RMND1: variants seen among roughly 807,000 people sequenced by gnomAD.
RMND1 encodes the protein required for meiotic nuclear division protein 1 homolog.
Under a neutral mutation model 54.0 loss-of-function variants are expected in RMND1, and 41 were observed. The ratio of observed to expected loss-of-function variants is 0.76; its 90% CI spans 0.59 to 0.98. The LOEUF is 0.98. RMND1 is among the 50% of genes least tolerant of loss of function. RMND1 has a pLI of 0.00. For missense variants in RMND1, 457 were observed against 532.0 expected (o/e 0.86, Z 1.39); for synonymous variants, 183 against 181.7 (o/e 1.01, Z -0.06).
In RMND1 at chr6:151,407,695, CAGG is replaced by C. The variant is rs539048219; in HGVS notation, c.1201-1862_1201-1860del. Among the ~76,000 whole-genome samples, 112 of 152,188 alleles carry C rather than the reference CAGG, an allele frequency of 7.4e-4. No individual in the cohort carries two copies. In the Middle Eastern group the frequency reaches 0.02, roughly 28 times the overall value. On this transcript the variant is annotated intron_variant, in intron 10 of 11. Coordinates refer to ENST00000444024, the MANE Select transcript of RMND1 (RefSeq NM_017909.4). ...GGCTGGGGCAGGAGGATCACGAGGT[CAGG>C]AGATCAAGACCATCCTGGCTAACAG...
At chr6:151,431,283 AG>A (rs761576522) in intron 4 of RMND1, among the ~76,000 whole-genome samples, 2 of 152,190 alleles carry the variant, frequency 1.3e-5, no homozygotes, top group South Asian at 2.1e-4. Flanking sequence ...AGAGGCAAGC[AG>A]GGGACAATCC....
intron 2 of RMND1, 194 bp downstream of exon 2, chr6:151,445,109 TTTTTA>T (rs748326096): frequency 3.7e-4 from 198 of 533,262 alleles, no homozygotes; most frequent in African/African-American, 3.5e-3. Flanking sequence ...CTGTATTTTG[TTTTTA>T]TATGTATCAT....
Position 151,417,296 on chromosome 6 carries a change from T to C in RMND1, c.1183A>G (p.Ile395Val). The C allele has an allele frequency of 6.2e-7, 1 of 1,612,308 alleles. No homozygotes were observed. Among genetic ancestry groups the C allele is most frequent in the South Asian group, 1.1e-5 (1 of 90,412 alleles). Residue 395 changes from isoleucine (I) to valine (V), a missense_variant, in exon 10 of 12, where the codon ATT becomes GTT. Physicochemically the swap from Ile to Val is conservative, Grantham distance 29. Coordinates refer to ENST00000444024, the MANE Select transcript of RMND1 (RefSeq NM_017909.4). The part of the protein sequence containing the change: ...LYDKTCQFLS[I>V]GRRVKVMNEK... The stretch of plus-strand genomic sequence containing the variant: ...ATACGTACCTTAACTCTTCGGCCAA[T>C]GCTAAGGAATTGACACGTTTTATCG...
Position 151,405,988 on chromosome 6 carries a change from A to G in RMND1, c.1201-152T>C, listed in dbSNP as rs561158480. On this transcript the variant is annotated intron_variant, in intron 10 of 11. Coordinates refer to ENST00000444024, the MANE Select transcript of RMND1 (RefSeq NM_017909.4). ...TTATCAGTTTCTTGTGAATCCGTCC[A>G]GAGACATTTTGTAATGTACAAATTT... The G allele has an allele frequency of 8.2e-6, 4 of 485,932 alleles. No homozygotes were observed. In the South Asian group the frequency reaches 1.6e-4, roughly 19 times the overall value. The allele number at this position is 485,932 out of a possible 1,614,324, so 30.1% of individuals were successfully genotyped here.
intron 1 of RMND1, among the ~76,000 whole-genome samples, chr6:151,447,544 TTACCCAC>T (rs1780991614): frequency 6.6e-6 from 1 of 152,170 alleles, no homozygotes; most frequent in South Asian, 2.1e-4. Context: ...GTCAACACTC[TTACCCAC>T]TACCTTGTAT....
chr6:151,436,413 A>T, intron 3 of RMND1, 33 bp downstream of exon 3: 1 of 1,612,646 alleles, frequency 6.2e-7, no homozygotes, highest in South Asian at 1.1e-5. Context: ...AATACATTTT[A>T]ACATACTTGG....
intron 10 of RMND1, among the ~76,000 whole-genome samples, chr6:151,416,433 T>C (rs1780008800): frequency 6.8e-6 from 1 of 147,442 alleles, no homozygotes; most frequent in Non-Finnish European, 1.5e-5. Flanking sequence ...TTTTTTTTTT[T>C]TTTTTTTTGA....
chr6:151,445,273 A>T, intron 2 of RMND1, 35 bp downstream of exon 2: 1 of 1,569,006 alleles, frequency 6.4e-7, no homozygotes, highest in Non-Finnish European at 8.6e-7. Context: ...AGCAATGATC[A>T]CTAAGCACGA....
intron 2 of RMND1, among the ~76,000 whole-genome samples, chr6:151,442,688 C>T (rs1780816429): frequency 7.1e-6 from 1 of 140,870 alleles, no homozygotes; most frequent in African/African-American, 2.7e-5. Flanking sequence ...CACCAGCAAG[C>T]CCGGCTTTTT....
rs977355854 is a variant in RMND1 at position 151,436,845 on chromosome 6, T to C, written c.505-291A>G. On this transcript the variant is annotated intron_variant, in intron 2 of 11. Transcript: ENST00000444024. ...CAACTGGTAGTATCTCAAGCACAGA[T>C]TGAATGCAAAATAGAGATGATTAAG... 1.1e-4 allele frequency: 26 copies of C among 240,814 alleles called. No homozygotes were observed. The South Asian group carries it at 1.4e-3, about 13-fold the overall frequency. The allele number at this position is 240,814 out of a possible 1,614,324, so 14.9% of individuals were successfully genotyped here.
In RMND1 at chr6:151,415,929, G is replaced by A. The variant is rs780149561; in HGVS notation, c.1200+1350C>T. Among the ~76,000 whole-genome samples, 4 of 152,074 alleles carry A rather than the reference G, an allele frequency of 2.6e-5. No homozygotes were observed. In the East Asian group the frequency reaches 7.7e-4, roughly 29 times the overall value. On this transcript the variant is annotated intron_variant, in intron 10 of 11. Coordinates refer to ENST00000444024, the MANE Select transcript of RMND1 (RefSeq NM_017909.4). ...ACAGTCCGGGTAGGGGGAGGGCAGT[G>A]TGACTATACAGGGTAGCATGAGGAA... is the stretch of plus-strand genomic sequence containing the variant.
rs1440202538 is a variant in RMND1 at position 151,404,839 on chromosome 6, A to T, written c.*396T>A. ...TCTTGATTAAAAAAACACCTATTAAATGATCACCCAGTAGTGAACATTTAT... is the reference window on the plus strand; with the variant it reads ...TCTTGATTAAAAAAACACCTATTAATTGATCACCCAGTAGTGAACATTTAT... On this transcript the variant is annotated 3_prime_UTR_variant, in exon 12 of 12. Transcript: ENST00000444024. 1 of 155,700 alleles carries T rather than the reference A, an allele frequency of 6.4e-6. No individual in the cohort carries two copies. Among genetic ancestry groups the T allele is most frequent in the African/African-American group, 2.4e-5 (1 of 41,038 alleles). The allele number at this position is 155,700 out of a possible 1,614,324, so 9.6% of individuals were successfully genotyped here. A position where few individuals can be genotyped will look rare whatever the true frequency, so the allele number is the denominator to read the frequency against.
intron 1 of RMND1, among the ~76,000 whole-genome samples, chr6:151,448,658 A>G (rs1781031587): frequency 6.6e-6 from 1 of 152,198 alleles, no homozygotes. Flanking sequence ...GATTATTATA[A>G]TAGCTTCTTA....
At chr6:151,436,763 G>T in intron 2 of RMND1, 1 of 439,740 alleles carries the variant, frequency 2.3e-6, no homozygotes, top group Non-Finnish European at 4.1e-6. Context: ...AAAAGAACTT[G>T]CTCCCTCCCG....
chr6:151,405,763 G>A lies in RMND1; in HGVS notation c.1274C>T (p.Ala425Val), dbSNP rs753528133. The A allele has an allele frequency of 6.2e-7, 1 of 1,609,152 alleles. No individual in the cohort carries two copies. Among genetic ancestry groups the A allele is most frequent in the South Asian group, 1.1e-5 (1 of 90,984 alleles). Residue 425 changes from alanine (A) to valine (V), a missense_variant, in exon 11 of 12, where the codon GCA becomes GTA. Physicochemically the swap from Ala to Val is moderately conservative, Grantham distance 64 (BLOSUM62 0). Transcript: ENST00000444024. ...GACAATCATCCACTCCAAGCGGAGT[G>A]CCCTCTTCTCATTCAGGTGATTCCG... Reference protein sequence around the residue: ...LMRNHLNEKRALRLEWMIVIL... With the variant: ...LMRNHLNEKRVLRLEWMIVIL...
intron 5 of RMND1, among the ~76,000 whole-genome samples, chr6:151,427,929 CAAAA>C (rs1465845718): frequency 6.6e-6 from 1 of 151,892 alleles, no homozygotes; most frequent in Non-Finnish European, 1.5e-5. Context: ...TCCTTGAGCT[CAAAA>C]GTTCAAGACC....
chr6:151,451,559 TTG>T lies in RMND1; in HGVS notation c.-15+455_-15+456del, dbSNP rs1461544598. 4.6e-5 allele frequency among the ~76,000 whole-genome samples: 7 copies of T among 152,282 alleles called. No individual in the cohort carries two copies. The East Asian group carries it at 9.6e-4, about 21-fold the overall frequency. ...ATGGAAGCTCCCTGAGGATACGGAT[TTG>T]TGTTTTTTCCTATTATATCTCCTGA... On this transcript the variant is annotated intron_variant, in intron 1 of 11. Transcript: ENST00000444024.
At chr6:151,421,059 T>C in intron 9 of RMND1, 186 bp downstream of exon 9, 1 of 499,340 alleles carries the variant, frequency 2.0e-6, no homozygotes, top group Non-Finnish European at 3.6e-6. Context: ...TTTCTTTCAG[T>C]ACAGTCTTAA....
At chr6:151,450,401 G>T (rs1205511159) in intron 1 of RMND1, among the ~76,000 whole-genome samples, 1 of 144,542 alleles carries the variant, frequency 6.9e-6, no homozygotes, top group Admixed American at 6.7e-5. Flanking sequence ...CCGGGAGGGA[G>T]GTGGGGGTCA....
Sources: gnomAD v4.1 joint callset for allele counts (sites outside exome capture counted in the v4.1 genomes callset) on GRCh38, gnomAD v4.1.1 for gene constraint, MANE v1.5 for transcripts, NCBI Gene and HGNC (gene_info 2026-07-23, HGNC 2026-07-21) for gene names.